Variants in RAP1A observed in about 807,000 individuals in gnomAD.
RAP1A encodes RAP1A, member of RAS oncogene family, also known as ras-related protein Rap-1A.
A neutral mutation model predicts 26.4 loss-of-function variants in RAP1A; 6 were observed. The observed-to-expected ratio is 0.23, with a 90% CI of 0.12 to 0.45. The LOEUF (loss-of-function observed/expected upper bound fraction) is 0.45, where lower values mean the gene tolerates loss of function less well. RAP1A is among the 20% of genes least tolerant of loss of function. The pLI, the probability that RAP1A is intolerant of heterozygous loss-of-function variation, is 0.99. For synonymous variants in RAP1A, 73 were observed against 79.4 expected (o/e 0.92, Z 0.43); for missense variants, 121 against 217.2 (o/e 0.56, Z 2.78).
intron 1 of RAP1A, among the ~76,000 whole-genome samples, chr1:111,659,175 C>T (rs1287615474): frequency 6.6e-6 from 1 of 152,128 alleles, no homozygotes; most frequent in East Asian, 1.9e-4. Context: ...TCTGTGGATG[C>T]CTGAAACCGC....
intron 2 of RAP1A, among the ~76,000 whole-genome samples, chr1:111,694,918 A>T (rs1257891346): frequency 6.6e-6 from 1 of 152,148 alleles, no homozygotes; most frequent in South Asian, 2.1e-4. Context: ...CAGGCAACAT[A>T]GCAAAGACCC....
At chr1:111,650,704 G>T (rs1002493571) in intron 1 of RAP1A, among the ~76,000 whole-genome samples, 1 of 152,090 alleles carries the variant, frequency 6.6e-6, no homozygotes, top group Non-Finnish European at 1.5e-5. Context: ...TACTTATTAT[G>T]CAGAGTCCAT....
At chr1:111,601,348 G>A (rs1170944630) in intron 1 of RAP1A, among the ~76,000 whole-genome samples, 1 of 152,038 alleles carries the variant, frequency 6.6e-6, no homozygotes, top group Non-Finnish European at 1.5e-5. Context: ...GGAGATCCTT[G>A]TCTATGATCA....
chr1:111,567,750 G>A (rs1657954170), intron 1 of RAP1A, among the ~76,000 whole-genome samples: 1 of 152,212 alleles, frequency 6.6e-6, no homozygotes, highest in Admixed American at 6.5e-5. Flanking sequence ...CTGCAGGGCA[G>A]TGGAAAGGCA....
In RAP1A at chr1:111,626,564, G is replaced by A. The variant is rs1659408479; in HGVS notation, c.-28+6630G>A. On this transcript the variant is annotated intron_variant, in intron 1 of 7. Coordinates refer to ENST00000369709, the MANE Select transcript of RAP1A (RefSeq NM_002884.4). ...TGCCACTAAAGTCAAGTATCTGCTA[G>A]GACAGAAATGTGCAAATAGCATGCG... Among the ~76,000 whole-genome samples, 5 of 152,266 alleles carry A rather than the reference G, an allele frequency of 3.3e-5. No homozygotes were observed. The South Asian group carries it at 1.0e-3, about 32-fold the overall frequency.
At chr1:111,684,770 G>GA (rs1176204115) in intron 1 of RAP1A, among the ~76,000 whole-genome samples, 3 of 151,898 alleles carry the variant, frequency 2.0e-5, no homozygotes, top group Admixed American at 6.6e-5. Context: ...CACAGAATTA[G>GA]AAAAAAAGCT....
intron 1 of RAP1A, among the ~76,000 whole-genome samples, chr1:111,605,792 C>T (rs1658760621): frequency 6.6e-6 from 1 of 152,190 alleles, no homozygotes; most frequent in African/African-American, 2.4e-5. Context: ...TGCTCAGATG[C>T]AATTTGTTCA....
At chr1:111,660,369 T>C (rs72987104) in intron 1 of RAP1A, among the ~76,000 whole-genome samples, 1,647 of 152,356 alleles carry the variant, frequency 0.011, 25 homozygotes, top group African/African-American at 0.038. Context: ...GTCTGAAATA[T>C]ACCTAAGTGT....
intron 1 of RAP1A, among the ~76,000 whole-genome samples, chr1:111,664,383 A>C (rs1266646639): frequency 1.8e-5 from 2 of 110,942 alleles, no homozygotes; most frequent in African/African-American, 4.1e-5. Context: ...CAAAAAAAAA[A>C]AAAAAAAAAA....
intron 1 of RAP1A, among the ~76,000 whole-genome samples, chr1:111,653,575 G>A (rs184112518): frequency 6.6e-5 from 10 of 151,126 alleles, no homozygotes; most frequent in African/African-American, 1.7e-4. Context: ...TCCCAGCTAC[G>A]TGGGAGGCTG....
intron 1 of RAP1A, among the ~76,000 whole-genome samples, chr1:111,552,787 T>A (rs1657322288): frequency 6.6e-6 from 1 of 152,196 alleles, no homozygotes; most frequent in Non-Finnish European, 1.5e-5. Flanking sequence ...TTTTTATGCC[T>A]CAGTTTTAAC....
chr1:111,544,688 C>G (rs549888141), intron 1 of RAP1A, among the ~76,000 whole-genome samples: 1 of 152,244 alleles, frequency 6.6e-6, no homozygotes, highest in African/African-American at 2.4e-5. Flanking sequence ...TTTGCGTGAA[C>G]ATATGTTTTT....
chr1:111,688,160 A>G (rs867665759), intron 1 of RAP1A, among the ~76,000 whole-genome samples: 2 of 118,230 alleles, frequency 1.7e-5, no homozygotes, highest in African/African-American at 3.4e-5. Flanking sequence ...TTTTACTTTC[A>G]TTTCTTCAAC....
chr1:111,623,023 T>C (rs962081440), intron 1 of RAP1A, among the ~76,000 whole-genome samples: 4 of 152,150 alleles, frequency 2.6e-5, no homozygotes, highest in Admixed American at 6.5e-5. Context: ...TGTTTAAAAA[T>C]TAAATTTTTT....
intron 1 of RAP1A, among the ~76,000 whole-genome samples, chr1:111,688,822 G>GTTTTTTTTTTTTTT (rs767753356): frequency 3.6e-4 from 32 of 90,000 alleles, no homozygotes; most frequent in Non-Finnish European, 5.1e-4. Context: ...TTTTTTTTTT[G>GTTTTTTTTTTTTTT]TTTTTTTTTT....
At chr1:111,588,237 A>G (rs1368356751) in intron 1 of RAP1A, among the ~76,000 whole-genome samples, 2 of 152,114 alleles carry the variant, frequency 1.3e-5, no homozygotes, top group Non-Finnish European at 2.9e-5. Flanking sequence ...AGAGCCTGTA[A>G]GCCACCCTCT....
chr1:111,670,331 G>A (rs575212054), intron 1 of RAP1A, among the ~76,000 whole-genome samples: 2 of 152,068 alleles, frequency 1.3e-5, no homozygotes, highest in African/African-American at 4.8e-5. Flanking sequence ...AAAATTAGCC[G>A]GACGTGGTGG....
chr1:111,635,724 C>G (rs1209509923), intron 1 of RAP1A, among the ~76,000 whole-genome samples: 1 of 152,020 alleles, frequency 6.6e-6, no homozygotes, highest in African/African-American at 2.4e-5. Context: ...TGCCACCACA[C>G]CCAGTTAATC....
chr1:111,563,443 G>C (rs1196083086), intron 1 of RAP1A, among the ~76,000 whole-genome samples: 1 of 152,230 alleles, frequency 6.6e-6, no homozygotes, highest in Non-Finnish European at 1.5e-5. Flanking sequence ...TCCAAGGCCA[G>C]ATTGAGATTT....
Sources: allele counts gnomAD v4.1 joint callset (sites outside exome capture counted in the v4.1 genomes callset), GRCh38; gene constraint gnomAD v4.1.1; transcripts MANE v1.5; gene names NCBI Gene and HGNC (gene_info 2026-07-23, HGNC 2026-07-21).